IL7R: variants seen among roughly 807,000 people sequenced by gnomAD.
The protein encoded by IL7R is interleukin 7 receptor, also known as interleukin-7 receptor subunit alpha.
Under a neutral mutation model 47.0 loss-of-function variants are expected in IL7R, and 38 were observed. The ratio of observed to expected loss-of-function variants is 0.81; its 90% CI spans 0.62 to 1.06. The LOEUF (loss-of-function observed/expected upper bound fraction) is 1.06. IL7R is among the 50% of genes least tolerant of loss of function. The pLI is 0.00. For missense variants in IL7R, 633 were observed against 534.8 expected, an observed-to-expected ratio of 1.18 and a Z score of -1.81; for synonymous variants, 221 against 199.8, an observed-to-expected ratio of 1.11 and a Z score of -0.89.
intron 2 of IL7R, among the ~76,000 whole-genome samples, chr5:35,865,890 C>G (rs1314982890): frequency 6.6e-6 from 1 of 152,152 alleles, no homozygotes; most frequent in Non-Finnish European, 1.5e-5. Context: ...AAACGCAAAT[C>G]AAATTGTGTT....
At chr5:35,868,943 G>A (rs902616445) in intron 3 of IL7R, among the ~76,000 whole-genome samples, 3 of 152,098 alleles carry the variant, frequency 2.0e-5, no homozygotes, top group Non-Finnish European at 4.4e-5. Flanking sequence ...TCCTCCGAAC[G>A]GCAAGGGGGA....
In IL7R at chr5:35,878,816, A is replaced by C; in HGVS notation, c.*2330A>C. The C allele has an allele frequency of 4.3e-6, 1 of 233,138 alleles. No individual in the cohort carries two copies. Among genetic ancestry groups the C allele is most frequent in the Admixed American group, 5.6e-5 (1 of 17,804 alleles). 14.4% of individuals were successfully genotyped at this position (233,138 alleles called of 1,614,324 possible). On this transcript the variant is annotated 3_prime_UTR_variant, in exon 8 of 8. Coordinates refer to ENST00000303115, the MANE Select transcript of IL7R (RefSeq NM_002185.5). Reference sequence around the variant, plus strand: ...AATTTTGTATCCCTGGTATAAATAGACAATCTCTTGAAGAAATGAAGAGAT... The same window carrying C: ...AATTTTGTATCCCTGGTATAAATAGCCAATCTCTTGAAGAAATGAAGAGAT...
chr5:35,863,929 T>G (rs1039778277), intron 2 of IL7R, among the ~76,000 whole-genome samples: 2 of 152,162 alleles, frequency 1.3e-5, no homozygotes, highest in African/African-American at 2.4e-5. Flanking sequence ...TGTGGTAAAA[T>G]GCACAAAAAT....
intron 1 of IL7R, among the ~76,000 whole-genome samples, chr5:35,858,397 A>C (rs1231251665): frequency 6.6e-6 from 1 of 152,172 alleles, no homozygotes; most frequent in Non-Finnish European, 1.5e-5. Context: ...TACTTTTTAA[A>C]AATCCAAATC....
Position 35,873,499 on chromosome 5 carries a change from C to T in IL7R, c.557C>T (p.Thr186Ile), listed in dbSNP as rs1760123605. ...CTCTAGCATGTGAATTTATCCAGCA[C>T]AAAGCTGACACTCCTGCAGAGAAAG... ...NKWTHVNLSSTKLTLLQRKLQ... is the reference protein window; with the variant it reads ...NKWTHVNLSSIKLTLLQRKLQ... The change falls in exon 5 of 8, where the codon ACA (threonine) becomes ATA (isoleucine). Residue 186 changes from threonine (T) to isoleucine (I), a missense_variant. Physicochemically the swap from Thr to Ile is moderately conservative, Grantham distance 89. Coordinates refer to ENST00000303115, the MANE Select transcript of IL7R (RefSeq NM_002185.5). 2.5e-6 allele frequency: 4 copies of T among 1,614,006 alleles called. No homozygotes were observed. The highest frequency in any genetic ancestry group is 3.4e-6 in the Non-Finnish European group (4 of 1,179,916).
In IL7R at chr5:35,876,453, T is replaced by C; in HGVS notation, c.1347T>C (p.Tyr449=). ...TSLGSNQEEA[Y]VTMSSFYQNQ is the part of the protein sequence containing the mutation. ...TGGGATCAAATCAAGAAGAAGCATA[T>C]GTCACCATGTCCAGCTTCTACCAAA... The change falls in exon 8 of 8, where the codon TAT becomes TAC. Residue 449 remains tyrosine, a synonymous_variant. Coordinates refer to ENST00000303115, the MANE Select transcript of IL7R (RefSeq NM_002185.5). 1 of 1,605,682 alleles carries C rather than the reference T, an allele frequency of 6.2e-7. No individual in the cohort carries two copies. Among genetic ancestry groups the C allele is most frequent in the Non-Finnish European group, 8.5e-7 (1 of 1,179,950 alleles).
intron 6 of IL7R, chr5:35,875,270 T>C: frequency 1.8e-6 from 1 of 542,534 alleles, no homozygotes; most frequent in Admixed American, 3.0e-5. Flanking sequence ...AGGTATATTA[T>C]TGTCATGTCT....
chr5:35,877,140 G>C lies in IL7R; in HGVS notation c.*654G>C. On this transcript the variant is annotated 3_prime_UTR_variant, in exon 8 of 8. Coordinates refer to ENST00000303115, the MANE Select transcript of IL7R (RefSeq NM_002185.5). ...CATTCTTGAGTGCCAAACGTCACTA[G>C]TAACAGGGTGTGCCTAGATAATTTA... The C allele has an allele frequency of 4.3e-6, 1 of 233,806 alleles. No individual in the cohort carries two copies. Among genetic ancestry groups the C allele is most frequent in the Middle Eastern group, 1.3e-3 (1 of 786 alleles). 14.5% of individuals were successfully genotyped at this position (233,806 alleles called of 1,614,324 possible).
chr5:35,869,001 A>G (rs1367071597), intron 3 of IL7R, among the ~76,000 whole-genome samples: 3 of 152,174 alleles, frequency 2.0e-5, no homozygotes, highest in Non-Finnish European at 4.4e-5. Flanking sequence ...CCCCTTTGGA[A>G]GGGGTAGTGT....
In IL7R at chr5:35,877,802, C is replaced by T. The variant is rs1205173978; in HGVS notation, c.*1316C>T. 8.6e-6 allele frequency: 2 copies of T among 233,282 alleles called. No homozygotes were observed. Among genetic ancestry groups the T allele is most frequent in the Admixed American group, 5.6e-5 (1 of 17,796 alleles). 14.5% of individuals were successfully genotyped at this position (233,282 alleles called of 1,614,324 possible). On this transcript the variant is annotated 3_prime_UTR_variant, in exon 8 of 8. Coordinates refer to ENST00000303115, the MANE Select transcript of IL7R (RefSeq NM_002185.5). ...TGCCTTTCTTGGTCTAGACTGACTT[C>T]TAATGACTAACTCAAAGTCAAGGCA...
intron 2 of IL7R, 150 bp from the exon 3 acceptor site, chr5:35,867,156 C>A: frequency 1.5e-6 from 1 of 646,294 alleles, no homozygotes; most frequent in Non-Finnish European, 2.7e-6. Flanking sequence ...AATTCATTAT[C>A]TCTCATTCCT....
intron 2 of IL7R, among the ~76,000 whole-genome samples, chr5:35,863,056 G>A (rs1759856605): frequency 6.6e-6 from 1 of 151,922 alleles, no homozygotes; most frequent in Non-Finnish European, 1.5e-5. Flanking sequence ...AGTTGGGAAA[G>A]CCTATCTACC....
chr5:35,873,474 C>T lies in IL7R; in HGVS notation c.538-6C>T. 6.2e-7 allele frequency: 1 copy of T among 1,613,150 alleles called. No homozygotes were observed. The highest frequency in any genetic ancestry group is 8.5e-7 in the Non-Finnish European group (1 of 1,179,148). On this transcript the variant is annotated splice_region_variant and splice_polypyrimidine_tract_variant and intron_variant, in intron 4 of 7. Coordinates refer to ENST00000303115, the MANE Select transcript of IL7R (RefSeq NM_002185.5). ...CCTAAGAATGTAACTGCACTCTACT[C>T]TCTAGCATGTGAATTTATCCAGCAC...
At chr5:35,858,074 T>C (rs756158564) in intron 1 of IL7R, among the ~76,000 whole-genome samples, 12 of 152,306 alleles carry the variant, frequency 7.9e-5, no homozygotes, top group Non-Finnish European at 1.6e-4. Context: ...ATGCTAAACT[T>C]TGCCTTGGAT....
chr5:35,872,705 G>A (rs528529253), intron 4 of IL7R, among the ~76,000 whole-genome samples: 1 of 152,040 alleles, frequency 6.6e-6, no homozygotes, highest in Non-Finnish European at 1.5e-5. Flanking sequence ...ATTGAGACAT[G>A]CAACTACATA....
At chr5:35,871,252 G>A (rs1229879371) in intron 4 of IL7R, 39 bp downstream of exon 4, 1 of 1,544,500 alleles carries the variant, frequency 6.5e-7, no homozygotes, top group Non-Finnish European at 8.9e-7. Context: ...AAAAACTTAT[G>A]AATGTTTTCT....
rs2149905374 is a variant in IL7R at position 35,876,085 on chromosome 5, A to G, written c.979A>G (p.Thr327Ala). 1 of 1,614,222 alleles carries G rather than the reference A, an allele frequency of 6.2e-7. No homozygotes were observed. The highest frequency in any genetic ancestry group is 8.5e-7 in the Non-Finnish European group (1 of 1,180,032). The change falls in exon 8 of 8, where the codon ACG (threonine) becomes GCG (alanine). Residue 327 changes from threonine to alanine, a missense_variant. Thr to Ala is a moderately conservative substitution (Grantham distance 58). Transcript: ENST00000303115. ...RDEVEGFLQD[T>A]FPQQLEESEK... The stretch of plus-strand genomic sequence containing the variant: ...TGAAGTGGAAGGTTTTCTGCAAGAT[A>G]CGTTTCCTCAGCAACTAGAAGAATC...
intron 1 of IL7R, among the ~76,000 whole-genome samples, chr5:35,859,533 G>A (rs1260268610): frequency 6.6e-6 from 1 of 152,138 alleles, no homozygotes; most frequent in Admixed American, 6.5e-5. Flanking sequence ...TGAACTGGAT[G>A]GATTCTGGGA....
intron 3 of IL7R, among the ~76,000 whole-genome samples, chr5:35,870,711 TA>T (rs1358111234): frequency 2.0e-5 from 3 of 152,166 alleles, no homozygotes; most frequent in African/African-American, 7.2e-5. Flanking sequence ...CCAGCAGTAT[TA>T]GGGGCACTTT....
Sources: allele counts gnomAD v4.1 joint callset (sites outside exome capture counted in the v4.1 genomes callset), GRCh38; gene constraint gnomAD v4.1.1; transcripts MANE v1.5; gene names NCBI Gene and HGNC (gene_info 2026-07-23, HGNC 2026-07-21).